Variants in DCDC2C observed in about 807,000 individuals in gnomAD.
The protein encoded by DCDC2C is doublecortin domain containing 2C.
Under a neutral mutation model 45.0 loss-of-function variants are expected in DCDC2C, and 44 were observed. The ratio of observed to expected loss-of-function variants is 0.98; its 90% confidence interval spans 0.77 to 1.26. The LOEUF (loss-of-function observed/expected upper bound fraction) is 1.26. Ranked by LOEUF, DCDC2C falls within the 50% of genes most tolerant of loss-of-function variation. DCDC2C has a pLI of 0.00. For missense variants in DCDC2C, 447 were observed against 468.9 expected (o/e 0.95, Z 0.43); for synonymous variants, 187 against 178.8 (o/e 1.05, Z -0.37).
chr2:3,710,230 G>A (rs1327198342), intron 2 of DCDC2C, among the ~76,000 whole-genome samples: 1 of 152,116 alleles, frequency 6.6e-6, no homozygotes, highest in Non-Finnish European at 1.5e-5. Context: ...AGGAGTACAT[G>A]TGCAGGATGT....
At position 3,794,387 on chromosome 2, in the gene DCDC2C, T is replaced by C. The variant is rs148966275; in HGVS notation, c.1065+9287T>C. Among the ~76,000 whole-genome samples, 1,177 of 152,296 alleles carry C rather than the reference T, an allele frequency of 7.7e-3. 14 individuals carry two copies. Among genetic ancestry groups the C allele is most frequent in the African/African-American group, 0.027 (1,131 of 41,582 alleles). On this transcript the variant is annotated intron_variant, in intron 10 of 10. Transcript: ENST00000399143. ...AAATTTATTTATTATTATTATACTT[T>C]AAGTTTTAGGGTACATGTGCACAAT...
At chr2:3,830,275 T>C (rs1231830601) in intron 10 of DCDC2C, among the ~76,000 whole-genome samples, 2 of 152,128 alleles carry the variant, frequency 1.3e-5, no homozygotes, top group Non-Finnish European at 2.9e-5. Context: ...CTTGTGATCC[T>C]GGAAATAACG....
intron 10 of DCDC2C, among the ~76,000 whole-genome samples, chr2:3,838,549 C>T (rs1368622951): frequency 1.3e-5 from 2 of 151,838 alleles, no homozygotes; most frequent in Non-Finnish European, 2.9e-5. Flanking sequence ...TAGACAACTA[C>T]TCAGAAGAAA....
chr2:3,757,457 C>T (rs576688946), intron 6 of DCDC2C, among the ~76,000 whole-genome samples: 107 of 152,040 alleles, frequency 7.0e-4, no homozygotes, highest in Non-Finnish European at 1.4e-3. Flanking sequence ...TTTAAATTTG[C>T]AAGCTTAAAA....
chr2:3,791,977 C>A, intron 10 of DCDC2C, among the ~76,000 whole-genome samples: 1 of 135,108 alleles, frequency 7.4e-6, no homozygotes, highest in East Asian at 2.9e-4. Flanking sequence ...TTTGGCCATT[C>A]ATTTATTAGT....
rs188287857 is a variant in DCDC2C, at chr2:3,819,964, A to C, written c.1066-27190A>C. 1.0e-3 allele frequency among the ~76,000 whole-genome samples: 155 copies of C among 152,284 alleles called. 3 individuals are homozygous for C. The highest frequency in any genetic ancestry group is 3.5e-3 in the South Asian group (17 of 4,826). On this transcript the variant is annotated intron_variant, in intron 10 of 10. Transcript: ENST00000399143. ...AACCTGGCTAGGCCTGGCGAGGAGC[A>C]GCCTGGGGAGGAGGCAAGAGGTCAG...
intron 4 of DCDC2C, among the ~76,000 whole-genome samples, chr2:3,748,833 C>G (rs1468634223): frequency 6.6e-6 from 1 of 152,066 alleles, no homozygotes; most frequent in African/African-American, 2.4e-5. Flanking sequence ...AGTTTGGGAC[C>G]CTGTCTGATA....
Position 3,778,801 on chromosome 2 carries a change from G to A in DCDC2C, c.955-15G>A. The A allele has an allele frequency of 6.5e-7, 1 of 1,550,238 alleles. No homozygotes were observed. The highest frequency in any genetic ancestry group is 1.2e-5 in the South Asian group (1 of 83,894). On this transcript the variant is annotated splice_polypyrimidine_tract_variant and intron_variant, in intron 8 of 10. Coordinates refer to ENST00000399143, the MANE Select transcript of DCDC2C (RefSeq NM_001287444.2). ...ACATAAGTAGTTGATAAAATGTGGT[G>A]TATTTTCTCCCCAGAGACAAGCTGA... is the stretch of plus-strand genomic sequence containing the variant.
chr2:3,740,558 T>C (rs1231853512), intron 3 of DCDC2C, among the ~76,000 whole-genome samples: 1 of 152,276 alleles, frequency 6.6e-6, no homozygotes, highest in African/African-American at 2.4e-5. Flanking sequence ...TAGTAATCTA[T>C]ATTTAGAAAA....
chr2:3,779,804 G>T (rs1257348621), intron 9 of DCDC2C, among the ~76,000 whole-genome samples: 1 of 152,050 alleles, frequency 6.6e-6, no homozygotes, highest in Non-Finnish European at 1.5e-5. Flanking sequence ...TTGCCCTGCA[G>T]CTTCCTGGCT....
rs1293842356 is a variant in DCDC2C, at chr2:3,708,277, C to G, written c.288-272C>G. On this transcript the variant is annotated intron_variant, in intron 1 of 10. Coordinates refer to ENST00000399143, the MANE Select transcript of DCDC2C (RefSeq NM_001287444.2). ...GAATTAGATGATTTCTCAGGTTTCT[C>G]TTTAATAAAATTACGTGAGGGAAAG... Among the ~76,000 whole-genome samples the G allele has an allele frequency of 2.6e-5, 4 of 152,120 alleles. No individual in the cohort carries two copies. In the East Asian group the frequency reaches 7.7e-4, roughly 29 times the overall value.
intron 8 of DCDC2C, among the ~76,000 whole-genome samples, chr2:3,772,595 T>C (rs80219533): frequency 0.015 from 2,348 of 152,240 alleles, 54 homozygotes; most frequent in East Asian, 0.096. Flanking sequence ...AGTCAGGTCA[T>C]TGGGGGCGCT....
Position 3,761,769 on chromosome 2 carries a change from G to C in DCDC2C, c.727-5985G>C, listed in dbSNP as rs1260052197. Among the ~76,000 whole-genome samples the C allele has an allele frequency of 6.6e-6, 1 of 152,186 alleles. No homozygotes were observed. The highest frequency in any genetic ancestry group is 1.5e-5 in the Non-Finnish European group (1 of 68,040). On this transcript the variant is annotated intron_variant, in intron 6 of 10. Coordinates refer to ENST00000399143, the MANE Select transcript of DCDC2C (RefSeq NM_001287444.2). The surrounding 1 kb of genome is among the most constrained non-coding windows in gnomAD (Gnocchi z 4.3). ...GGATGGACTGACTCTGAAATAGGTT[G>C]TTACTGTCCTTCAATTAGACAAACT...
intron 10 of DCDC2C, among the ~76,000 whole-genome samples, chr2:3,835,366 G>C (rs1478850545): frequency 1.3e-5 from 2 of 152,094 alleles, no homozygotes; most frequent in Non-Finnish European, 2.9e-5. Context: ...AGAGATAAAA[G>C]AACATGGAAA....
At chr2:3,727,463 A>G (rs1668724725) in intron 3 of DCDC2C, among the ~76,000 whole-genome samples, 1 of 152,088 alleles carries the variant, frequency 6.6e-6, no homozygotes, top group Non-Finnish European at 1.5e-5. Flanking sequence ...CAGCTGCAGC[A>G]TGTTGAAGGG....
At chr2:3,784,643 T>C (rs886340706) in intron 9 of DCDC2C, among the ~76,000 whole-genome samples, 1 of 152,004 alleles carries the variant, frequency 6.6e-6, no homozygotes, top group African/African-American at 2.4e-5. Context: ...ACAGGGTTGG[T>C]TGATTAACTT....
chr2:3,805,113 T>C (rs1671206792), intron 10 of DCDC2C, among the ~76,000 whole-genome samples: 1 of 152,198 alleles, frequency 6.6e-6, no homozygotes, highest in Non-Finnish European at 1.5e-5. Context: ...GCAGGGCCAA[T>C]GACAACTGAC....
chr2:3,770,773 A>C (rs568890919), intron 8 of DCDC2C, among the ~76,000 whole-genome samples: 1 of 152,326 alleles, frequency 6.6e-6, no homozygotes, highest in East Asian at 1.9e-4. Context: ...CTGTTGTCAT[A>C]ACTTTGCGTA....
intron 8 of DCDC2C, among the ~76,000 whole-genome samples, chr2:3,776,305 C>T (rs1670334860): frequency 6.6e-6 from 1 of 152,220 alleles, no homozygotes; most frequent in Non-Finnish European, 1.5e-5. Context: ...TCTGTCTCCC[C>T]TCATGCGTGG....
Sources: gnomAD v4.1 joint callset for allele counts (sites outside exome capture counted in the v4.1 genomes callset) on GRCh38, gnomAD v4.1.1 for gene constraint, Gnocchi (gnomAD v3.1) non-coding constraint, MANE v1.5 for transcripts, NCBI Gene and HGNC (gene_info 2026-07-23, HGNC 2026-07-21) for gene names.